The following C7orf78 variants were observed in gnomAD, a reference collection of about 807,000 sequenced individuals.
C7orf78 encodes chromosome 7 open reading frame 78.
chr7:12,491,540 G>GTA, the C7orf78 span: 44,637 of 151,870 alleles, frequency 0.29, 7,348 homozygotes, highest in African/African-American at 0.45. Context: ...GCATCTGTGT[G>GTA]TCGAGGTAGA....
the C7orf78 span, among the ~76,000 whole-genome samples, chr7:12,500,531 A>G: frequency 1.3e-5 from 2 of 150,458 alleles, no homozygotes; most frequent in East Asian, 4.0e-4. Context: ...CTAAACCAGG[A>G]AGAAGTTGAA....
chr7:12,518,182 G>A, the C7orf78 span, among the ~76,000 whole-genome samples: 6 of 152,232 alleles, frequency 3.9e-5, no homozygotes, highest in Non-Finnish European at 7.3e-5. Context: ...AGGGTCATTA[G>A]TGGAGGCTAT....
the C7orf78 span, among the ~76,000 whole-genome samples, chr7:12,494,398 G>A: frequency 6.6e-6 from 1 of 152,104 alleles, no homozygotes; most frequent in Non-Finnish European, 1.5e-5. Flanking sequence ...TAATCTCTGT[G>A]ACTTGAACAT....
At chr7:12,529,272 C>T in the C7orf78 span, among the ~76,000 whole-genome samples, 1 of 151,956 alleles carries the variant, frequency 6.6e-6, no homozygotes, top group Admixed American at 6.6e-5. Flanking sequence ...TAAGTGTATT[C>T]CAGTGGGAAA....
At chr7:12,514,204 T>G in the C7orf78 span, among the ~76,000 whole-genome samples, 1 of 152,194 alleles carries the variant, frequency 6.6e-6, no homozygotes, top group Non-Finnish European at 1.5e-5. Flanking sequence ...TTTAGTAAAA[T>G]TTGCTTTATA....
the C7orf78 span, chr7:12,528,862 G>C: frequency 2.5e-6 from 1 of 397,974 alleles, no homozygotes; most frequent in Non-Finnish European, 4.4e-6. Flanking sequence ...ACAAAGACAC[G>C]TGCCATTGCT....
the C7orf78 span, among the ~76,000 whole-genome samples, chr7:12,514,265 C>A: frequency 6.6e-6 from 1 of 152,080 alleles, no homozygotes; most frequent in African/African-American, 2.4e-5. Context: ...TTGTTATGTT[C>A]TCTTGCTGAA....
the C7orf78 span, chr7:12,528,919 C>A: frequency 1.0e-5 from 4 of 398,270 alleles, no homozygotes; most frequent in African/African-American, 8.2e-5. Flanking sequence ...GTACCAGTTA[C>A]CGAAAGATGA....
chr7:12,500,634 C>T, the C7orf78 span, among the ~76,000 whole-genome samples: 1,068 of 151,852 alleles, frequency 7.0e-3, 7 homozygotes, highest in Non-Finnish European at 0.011. Flanking sequence ...GATTCACAGC[C>T]GAATTCTACC....
chr7:12,496,277 T>C, the C7orf78 span, among the ~76,000 whole-genome samples: 305 of 152,346 alleles, frequency 2.0e-3, no homozygotes, highest in African/African-American at 7.0e-3. Context: ...TTCAGAAATA[T>C]ACATTCAGAA....
At chr7:12,532,671 G>A in the C7orf78 span, among the ~76,000 whole-genome samples, 1 of 152,052 alleles carries the variant, frequency 6.6e-6, no homozygotes, top group Admixed American at 6.5e-5. Context: ...TGAAACACTT[G>A]GAATACAGCA....
the C7orf78 span, among the ~76,000 whole-genome samples, chr7:12,498,254 GAGA>G: frequency 6.6e-6 from 1 of 152,088 alleles, no homozygotes; most frequent in Admixed American, 6.5e-5. Flanking sequence ...GACGAGCTGA[GAGA>G]AGAAGGCTTC....
the C7orf78 span, among the ~76,000 whole-genome samples, chr7:12,536,975 C>G: frequency 1.3e-5 from 2 of 152,152 alleles, no homozygotes; most frequent in African/African-American, 4.8e-5. Context: ...CCAGGAGTTT[C>G]CATACTTTTG....
the C7orf78 span, among the ~76,000 whole-genome samples, chr7:12,536,263 T>C: frequency 6.6e-6 from 1 of 152,120 alleles, no homozygotes; most frequent in South Asian, 2.1e-4. Flanking sequence ...CAAACCTCAA[T>C]TCTTGACTTC....
At chr7:12,497,365 C>T in the C7orf78 span, among the ~76,000 whole-genome samples, 1 of 152,196 alleles carries the variant, frequency 6.6e-6, no homozygotes, top group Non-Finnish European at 1.5e-5. Flanking sequence ...TCAGTGAGTG[C>T]GCACACCGTG....
the C7orf78 span, among the ~76,000 whole-genome samples, chr7:12,508,417 A>G: frequency 1.3e-5 from 2 of 152,164 alleles, no homozygotes; most frequent in Non-Finnish European, 2.9e-5. Context: ...TCAGTCCATG[A>G]TGCTTATGTG....
chr7:12,539,219 C>G, the C7orf78 span, among the ~76,000 whole-genome samples: 1 of 152,176 alleles, frequency 6.6e-6, no homozygotes, highest in Non-Finnish European at 1.5e-5. Context: ...AATCCAATCA[C>G]TTTGGGAGGC....
At chr7:12,525,581 G>C in the C7orf78 span, among the ~76,000 whole-genome samples, 2 of 151,960 alleles carry the variant, frequency 1.3e-5, no homozygotes, top group Non-Finnish European at 2.9e-5. Flanking sequence ...CTTCACAAAA[G>C]GGTAATTGAA....
At chr7:12,501,531 G>A in the C7orf78 span, among the ~76,000 whole-genome samples, 2 of 148,918 alleles carry the variant, frequency 1.3e-5, no homozygotes, top group African/African-American at 4.9e-5. Flanking sequence ...CAAGGGATGT[G>A]AAGGACCTCT....
Sources: allele counts gnomAD v4.1 joint callset (sites outside exome capture counted in the v4.1 genomes callset), GRCh38; gene constraint gnomAD v4.1.1; transcripts MANE v1.5; gene names NCBI Gene and HGNC (gene_info 2026-07-23, HGNC 2026-07-21).